Variants in PTPRD observed in about 807,000 individuals in gnomAD.
The protein encoded by PTPRD is protein tyrosine phosphatase receptor type D.
In PTPRD, 34 loss-of-function variants were observed where a neutral mutation model predicts 214.5. That is an observed-to-expected ratio of 0.16 (90% CI 0.12 to 0.21). PTPRD has a LOEUF of 0.21. Ranked by LOEUF, PTPRD falls within the 10% of genes least tolerant of loss-of-function variation. PTPRD has a pLI of 1.00. For missense variants in PTPRD, 2,545 were observed against 2,398.7 expected, an observed-to-expected ratio of 1.06 and a Z score of -1.27; for synonymous variants, 1,128 against 845.7, an observed-to-expected ratio of 1.33 and a Z score of -5.79.
At chr9:9,990,899 A>C (rs1238471180) in intron 4 of PTPRD, among the ~76,000 whole-genome samples, 1 of 151,996 alleles carries the variant, frequency 6.6e-6, no homozygotes, top group South Asian at 2.1e-4. Context: ...TTGTAAAATC[A>C]AAATGTAAAA....
intron 2 of PTPRD, among the ~76,000 whole-genome samples, chr9:10,409,480 A>G (rs976063852): frequency 6.6e-6 from 1 of 151,786 alleles, no homozygotes; most frequent in Non-Finnish European, 1.5e-5. Flanking sequence ...GAACATGACT[A>G]AAGAATTGAG....
intron 5 of PTPRD, among the ~76,000 whole-genome samples, chr9:9,810,427 T>C (rs1459073018): frequency 6.6e-6 from 1 of 152,040 alleles, no homozygotes; most frequent in Non-Finnish European, 1.5e-5. Flanking sequence ...ATGCAGCTGG[T>C]GACCATAGGT....
chr9:8,758,636 T>A (rs2094186146), intron 11 of PTPRD, among the ~76,000 whole-genome samples: 1 of 152,164 alleles, frequency 6.6e-6, no homozygotes, highest in African/African-American at 2.4e-5. Flanking sequence ...AATGTTTTTT[T>A]AAAAAGAATT....
At chr9:8,669,424 G>C (rs537636781) in intron 12 of PTPRD, among the ~76,000 whole-genome samples, 85 of 152,252 alleles carry the variant, frequency 5.6e-4, no homozygotes, top group African/African-American at 1.8e-3. Flanking sequence ...ATACCAGAAA[G>C]ACAGACAGAC....
At chr9:8,333,118 A>C (rs1228254493) in intron 43 of PTPRD, among the ~76,000 whole-genome samples, 3 of 152,166 alleles carry the variant, frequency 2.0e-5, no homozygotes, top group Non-Finnish European at 4.4e-5. Context: ...CAGGAAGATG[A>C]CACCAAGTGT....
At chr9:9,764,945 T>G (rs1224974074) in intron 6 of PTPRD, among the ~76,000 whole-genome samples, 2 of 152,204 alleles carry the variant, frequency 1.3e-5, no homozygotes, top group African/African-American at 2.4e-5. Flanking sequence ...AGGTTGAAGC[T>G]GCACATCCAT....
chr9:10,168,230 C>T (rs1783208211), intron 3 of PTPRD, among the ~76,000 whole-genome samples: 1 of 152,084 alleles, frequency 6.6e-6, no homozygotes, highest in African/African-American at 2.4e-5. Context: ...TCTAGTTTAA[C>T]ATTATAATTT....
intron 11 of PTPRD, among the ~76,000 whole-genome samples, chr9:8,922,052 T>A (rs1567015470): frequency 6.6e-6 from 1 of 152,118 alleles, no homozygotes; most frequent in Non-Finnish European, 1.5e-5. Context: ...GATTAGTGGT[T>A]AACATCAAAT....
At chr9:10,168,502 G>A (rs2099173989) in intron 3 of PTPRD, among the ~76,000 whole-genome samples, 1 of 152,110 alleles carries the variant, frequency 6.6e-6, no homozygotes, top group Admixed American at 6.6e-5. Context: ...CCTAACATTT[G>A]CCTTTTAAAA....
intron 5 of PTPRD, among the ~76,000 whole-genome samples, chr9:9,841,930 A>C (rs930430939): frequency 6.6e-6 from 1 of 152,094 alleles, no homozygotes; most frequent in African/African-American, 2.4e-5. Context: ...TGGAAAGTAC[A>C]CATAAGTACT....
At chr9:9,151,208 G>A (rs2099876465) in intron 10 of PTPRD, among the ~76,000 whole-genome samples, 1 of 152,290 alleles carries the variant, frequency 6.6e-6, no homozygotes, top group Non-Finnish European at 1.5e-5. Flanking sequence ...AATGACAATT[G>A]TTTTGGGGAG....
intron 2 of PTPRD, among the ~76,000 whole-genome samples, chr9:10,580,273 G>C (rs1020808427): frequency 6.6e-5 from 10 of 152,140 alleles, no homozygotes; most frequent in Non-Finnish European, 1.5e-4. Flanking sequence ...TAGCTAGAGT[G>C]TGAAATAATT....
chr9:8,458,264 G>C (rs1446993256), intron 33 of PTPRD, among the ~76,000 whole-genome samples: 2 of 152,236 alleles, frequency 1.3e-5, no homozygotes, highest in African/African-American at 2.4e-5. Context: ...AGCACTTGCA[G>C]ATGAAGGAAG....
chr9:8,777,472 T>C (rs529241048), intron 11 of PTPRD, among the ~76,000 whole-genome samples: 1 of 152,328 alleles, frequency 6.6e-6, no homozygotes, highest in East Asian at 1.9e-4. Flanking sequence ...TTCCTCAAAA[T>C]ATAAAGACAA....
chr9:9,325,150 G>A (rs568138335), intron 9 of PTPRD, among the ~76,000 whole-genome samples: 1 of 152,232 alleles, frequency 6.6e-6, no homozygotes, highest in South Asian at 2.1e-4. Flanking sequence ...TGTTCTTTTG[G>A]CTTAGGATTG....
chr9:9,737,993 C>A (rs2098330098), intron 6 of PTPRD, among the ~76,000 whole-genome samples: 1 of 151,696 alleles, frequency 6.6e-6, no homozygotes, highest in Admixed American at 6.6e-5. Flanking sequence ...CACTTATTTT[C>A]TATTTTATTA....
intron 5 of PTPRD, among the ~76,000 whole-genome samples, chr9:9,877,433 A>G (rs2067206708): frequency 6.6e-6 from 1 of 152,150 alleles, no homozygotes; most frequent in Non-Finnish European, 1.5e-5. Context: ...AATTTGTGAT[A>G]TGGATCAGTA....
At chr9:9,717,236 C>T (rs905130005) in intron 7 of PTPRD, among the ~76,000 whole-genome samples, 2 of 152,158 alleles carry the variant, frequency 1.3e-5, no homozygotes, top group South Asian at 4.1e-4. Flanking sequence ...CAGTACCATG[C>T]TGTTTTGCTT....
chr9:9,242,963 T>C (rs576387158), intron 9 of PTPRD, among the ~76,000 whole-genome samples: 3 of 152,250 alleles, frequency 2.0e-5, no homozygotes, highest in Admixed American at 2.0e-4. Context: ...TTTCCCCATC[T>C]TTGTGGTTTT....
Sources: allele counts gnomAD v4.1 joint callset (sites outside exome capture counted in the v4.1 genomes callset), GRCh38; gene constraint gnomAD v4.1.1; transcripts MANE v1.5; gene names NCBI Gene and HGNC (gene_info 2026-07-23, HGNC 2026-07-21).